GPHN: variants seen among roughly 807,000 people sequenced by gnomAD.
The protein encoded by GPHN is gephyrin.
GPHN carries 17 observed loss-of-function variants against 95.5 expected under a neutral mutation model. The observed-to-expected ratio is 0.18, with a 90% CI of 0.12 to 0.27. The LOEUF is 0.27. Ranked by LOEUF, GPHN falls within the 10% of genes least tolerant of loss-of-function variation. The probability of loss-of-function intolerance (pLI) is 1.00; values close to 1 mark genes in which losing one functional copy is unlikely to be tolerated. For missense variants in GPHN, 660 were observed against 978.1 expected (o/e 0.67, Z 4.34); for synonymous variants, 320 against 322.5 (o/e 0.99, Z 0.08).
the GPHN span, chr14:67,734,141 A>G: frequency 3.0e-6 from 1 of 335,018 alleles, no homozygotes; most frequent in African/African-American, 2.1e-5. Context: ...TGGGGGTGGC[A>G]GAAGAGCCCG....
chr14:66,611,296 T>A (rs2062771858), intron 1 of GPHN, among the ~76,000 whole-genome samples: 1 of 152,142 alleles, frequency 6.6e-6, no homozygotes, highest in Non-Finnish European at 1.5e-5. Flanking sequence ...ATACAAAGCA[T>A]TATTTTCAAG....
chr14:66,811,336 C>T (rs1052896779), intron 3 of GPHN, among the ~76,000 whole-genome samples: 2 of 151,842 alleles, frequency 1.3e-5, no homozygotes, highest in Non-Finnish European at 2.9e-5. Context: ...CTTGAAAGGA[C>T]AGAAAAAAAT....
At chr14:67,318,548 A>G in the GPHN span, among the ~76,000 whole-genome samples, 360 of 152,288 alleles carry the variant, frequency 2.4e-3, 4 homozygotes, top group African/African-American at 8.1e-3. Flanking sequence ...TTAAAATGCT[A>G]CCAGTCTTGA....
At chr14:66,530,019 C>T (rs933208783) in intron 1 of GPHN, among the ~76,000 whole-genome samples, 10 of 152,120 alleles carry the variant, frequency 6.6e-5, no homozygotes, top group African/African-American at 2.2e-4. Flanking sequence ...CAGGCAGGGA[C>T]GTTTAAGTCT....
At chr14:66,658,923 A>G (rs1595438019) in intron 1 of GPHN, among the ~76,000 whole-genome samples, 1 of 145,258 alleles carries the variant, frequency 6.9e-6, no homozygotes, top group East Asian at 2.0e-4. Flanking sequence ...TCATTGTTTT[A>G]TTATTTTGCT....
the GPHN span, chr14:67,562,246 C>T: frequency 6.2e-7 from 1 of 1,612,738 alleles, no homozygotes. Flanking sequence ...AGGACAGTGG[C>T]TCCCAGGCCC....
At chr14:67,549,069 T>C in the GPHN span, among the ~76,000 whole-genome samples, 1 of 152,170 alleles carries the variant, frequency 6.6e-6, no homozygotes, top group East Asian at 1.9e-4. Context: ...AAATATCTCA[T>C]ACTTTGTGAC....
At chr14:66,730,932 A>G (rs2071709356) in intron 2 of GPHN, among the ~76,000 whole-genome samples, 1 of 152,108 alleles carries the variant, frequency 6.6e-6, no homozygotes, top group African/African-American at 2.4e-5. Context: ...TCATGTGTCA[A>G]GGGATGGAGG....
chr14:66,550,853 T>C (rs765915692), intron 1 of GPHN, among the ~76,000 whole-genome samples: 3 of 152,094 alleles, frequency 2.0e-5, no homozygotes, highest in South Asian at 4.2e-4. Flanking sequence ...AAGGTTTTTT[T>C]TTGTTGTTGT....
At chr14:66,724,480 C>G (rs1250087312) in intron 2 of GPHN, among the ~76,000 whole-genome samples, 4 of 152,038 alleles carry the variant, frequency 2.6e-5, no homozygotes, top group African/African-American at 9.7e-5. Context: ...CCCTGAAGCC[C>G]TTGAGAACTG....
chr14:67,337,259 C>T, the GPHN span: 1 of 152,488 alleles, frequency 6.6e-6, no homozygotes, highest in Non-Finnish European at 1.5e-5. Flanking sequence ...TGCCTGTAAT[C>T]CCAGCACTTT....
chr14:66,854,561 A>T (rs546744030), intron 4 of GPHN, among the ~76,000 whole-genome samples: 1 of 152,346 alleles, frequency 6.6e-6, no homozygotes, highest in East Asian at 1.9e-4. Flanking sequence ...ATAGTATATT[A>T]TTTAGGACAA....
At chr14:66,814,427 G>T (rs1041690543) in intron 3 of GPHN, among the ~76,000 whole-genome samples, 5 of 152,268 alleles carry the variant, frequency 3.3e-5, no homozygotes, top group African/African-American at 1.2e-4. Context: ...GCACTCTTCT[G>T]CAGATGCTGC....
rs528827864 is a variant in GPHN at position 66,725,225 on chromosome 14, C to T, written c.143+44040C>T. 6.6e-5 allele frequency among the ~76,000 whole-genome samples: 10 copies of T among 152,294 alleles called. No individual in the cohort carries two copies. The East Asian group carries it at 1.2e-3, about 18-fold the overall frequency. On this transcript the variant is annotated intron_variant, in intron 2 of 22. Coordinates refer to ENST00000478722, the MANE Select transcript of GPHN (RefSeq NM_020806.5). ...TTGGACTTTTGTTATGTAATCCACC[C>T]AGTGTATGTATTTTATTACAGCAGC...
intron 1 of GPHN, among the ~76,000 whole-genome samples, chr14:66,616,745 G>C (rs535204385): frequency 6.6e-6 from 1 of 152,006 alleles, no homozygotes; most frequent in Admixed American, 6.5e-5. Context: ...TCGCTATGTT[G>C]TCACCAGGCT....
At chr14:67,199,736 T>A in the GPHN span, 1 of 1,570,978 alleles carries the variant, frequency 6.4e-7, no homozygotes. Context: ...TCCTGTGGTA[T>A]CATCATTGGG....
chr14:66,565,544 C>T (rs1022299071), intron 1 of GPHN, among the ~76,000 whole-genome samples: 5 of 152,162 alleles, frequency 3.3e-5, no homozygotes, highest in African/African-American at 1.2e-4. Context: ...AAGTGATCCT[C>T]CTGCCTTGGC....
At chr14:67,371,588 A>G in the GPHN span, among the ~76,000 whole-genome samples, 2 of 152,198 alleles carry the variant, frequency 1.3e-5, no homozygotes, top group Non-Finnish European at 2.9e-5. Context: ...AGTATACTCT[A>G]TTATTCCTAG....
the GPHN span, among the ~76,000 whole-genome samples, chr14:67,712,892 C>G: frequency 1.3e-5 from 2 of 151,976 alleles, no homozygotes; most frequent in Non-Finnish European, 2.9e-5. Context: ...AAAAAATGTT[C>G]CCTTCTCTTT....
Sources: allele counts gnomAD v4.1 joint callset (sites outside exome capture counted in the v4.1 genomes callset), GRCh38; gene constraint gnomAD v4.1.1; transcripts MANE v1.5; gene names NCBI Gene and HGNC (gene_info 2026-07-23, HGNC 2026-07-21).